The following F2R variants were observed in gnomAD, a reference collection of about 807,000 sequenced individuals.
F2R encodes proteinase-activated receptor 1.
F2R carries 12 observed loss-of-function variants against 18.3 expected under a neutral mutation model. The ratio of observed to expected loss-of-function variants is 0.66; its 90% CI spans 0.42 to 1.06. The LOEUF is 1.06. Ranked by LOEUF, F2R falls within the 50% of genes least tolerant of loss-of-function variation. F2R has a pLI of 0.00. For synonymous variants in F2R, 210 were observed against 219.9 expected (o/e 0.95, Z 0.40); for missense variants, 438 against 530.8 (o/e 0.83, Z 1.72).
In F2R at chr5:76,716,192, G is replaced by C. The variant is rs904348446; in HGVS notation, c.-116G>C. The C allele has an allele frequency of 1.3e-4, 100 of 783,810 alleles. No individual in the cohort carries two copies. In the East Asian group the frequency reaches 3.3e-3, roughly 26 times the overall value. The allele number at this position is 783,810 out of a possible 1,614,324, so 48.6% of individuals were successfully genotyped here. ...CTGATCTTACCCGTGGGCACCCTGCGCTCTGCCTGCCGCGAAGACCGGCTC... is the reference window on the plus strand; with the variant it reads ...CTGATCTTACCCGTGGGCACCCTGCCCTCTGCCTGCCGCGAAGACCGGCTC... On this transcript the variant is annotated 5_prime_UTR_variant, in exon 1 of 2. Coordinates refer to ENST00000319211, the MANE Select transcript of F2R (RefSeq NM_001992.5).
At chr5:76,732,249 G>A in intron 1 of F2R, 65 bp from the exon 2 acceptor site, 3 of 1,267,988 alleles carry the variant, frequency 2.4e-6, no homozygotes, top group Non-Finnish European at 3.2e-6. Context: ...CTCTCTGCTT[G>A]TCGCTTTTGC....
chr5:76,722,810 G>T (rs759107678), intron 1 of F2R, among the ~76,000 whole-genome samples: 1 of 152,068 alleles, frequency 6.6e-6, no homozygotes, highest in African/African-American at 2.4e-5. Context: ...AATTAGCCGG[G>T]CATGGTGGTG....
chr5:76,733,334 T>G lies in F2R; in HGVS notation c.1109T>G (p.Ile370Ser). Reference protein sequence around the residue: ...SSISCCIDPLIYYYASSECQR... With the variant: ...SSISCCIDPLSYYYASSECQR... ...ATAAGCTGCTGCATCGACCCCCTAA[T>G]TTACTATTACGCTTCCTCTGAGTGC... Residue 370 changes from isoleucine (I) to serine (S), a missense_variant, in exon 2 of 2, where the codon ATT becomes AGT. Physicochemically the swap from Ile to Ser is moderately radical, Grantham distance 142. Transcript: ENST00000319211. 6.2e-7 allele frequency: 1 copy of G among 1,614,208 alleles called. No homozygotes were observed. Among genetic ancestry groups the G allele is most frequent in the South Asian group, 1.1e-5 (1 of 91,084 alleles).
In F2R at chr5:76,734,713, G is replaced by A. The variant is rs1233957835; in HGVS notation, c.*1210G>A. On this transcript the variant is annotated 3_prime_UTR_variant, in exon 2 of 2. Transcript: ENST00000319211. ...AAGTAGATCATGCATAGAGTGTGATGTATGTGTAATAAATATGTTTCACAC... is the reference window on the plus strand; with the variant it reads ...AAGTAGATCATGCATAGAGTGTGATATATGTGTAATAAATATGTTTCACAC... 2 of 152,376 alleles carry A rather than the reference G, an allele frequency of 1.3e-5. No homozygotes were observed. The highest frequency in any genetic ancestry group is 2.9e-5 in the Non-Finnish European group (2 of 68,038). 9.4% of individuals were successfully genotyped at this position (152,376 alleles called of 1,614,324 possible). A position where few individuals can be genotyped will look rare whatever the true frequency, so the allele number is the denominator to read the frequency against.
intron 1 of F2R, chr5:76,716,603 C>A: frequency 2.8e-6 from 2 of 712,126 alleles, no homozygotes; most frequent in Non-Finnish European, 5.0e-6. Flanking sequence ...CCTTTGGACT[C>A]GATCTTGGAG....
intron 1 of F2R, among the ~76,000 whole-genome samples, chr5:76,728,988 G>A (rs931742751): frequency 1.3e-5 from 2 of 152,214 alleles, no homozygotes; most frequent in African/African-American, 4.8e-5. Context: ...ACCGTGCCCA[G>A]CCAGCATCCT....
rs188917689 is a variant in F2R at position 76,721,120 on chromosome 5, C to T, written c.88+4725C>T. 3.0e-3 allele frequency among the ~76,000 whole-genome samples: 461 copies of T among 152,278 alleles called. 6 individuals are homozygous for T. Among genetic ancestry groups the T allele is most frequent in the Middle Eastern group, 0.024 (7 of 294 alleles). ...CCATGCCCAGTCTTTAACTAGTTTTCGTGAGCACCTAGGCTCCCCTTCCAT... is the reference window on the plus strand; with the variant it reads ...CCATGCCCAGTCTTTAACTAGTTTTTGTGAGCACCTAGGCTCCCCTTCCAT... On this transcript the variant is annotated intron_variant, in intron 1 of 1. Transcript: ENST00000319211.
chr5:76,717,202 T>G (rs1295396028), intron 1 of F2R, among the ~76,000 whole-genome samples: 3 of 152,226 alleles, frequency 2.0e-5, no homozygotes, highest in Admixed American at 6.5e-5. Flanking sequence ...TTTTTAAGTA[T>G]CTGGCCACTT....
At chr5:76,726,725 C>A (rs535918475) in intron 1 of F2R, among the ~76,000 whole-genome samples, 2 of 152,114 alleles carry the variant, frequency 1.3e-5, no homozygotes, top group Admixed American at 1.3e-4. Flanking sequence ...TCCTCTAGAT[C>A]AGCATTTTTG....
chr5:76,725,512 A>G (rs1385586788), intron 1 of F2R, among the ~76,000 whole-genome samples: 1 of 152,146 alleles, frequency 6.6e-6, no homozygotes, highest in Non-Finnish European at 1.5e-5. Flanking sequence ...GGACTGGAGG[A>G]AAAGCGAGAT....
chr5:76,732,558 A>C lies in F2R; in HGVS notation c.333A>C (p.Gly111=). The change falls in exon 2 of 2, where the codon GGA becomes GGC. Residue 111 remains glycine, a synonymous_variant. Coordinates refer to ENST00000319211, the MANE Select transcript of F2R (RefSeq NM_001992.5). ...LTLFVPSVYT[G]VFVVSLPLNI... is the part of the protein sequence containing the mutation. Reference sequence around the variant, plus strand: ...TCTTTGTCCCATCTGTGTACACCGGAGTGTTTGTAGTCAGCCTCCCACTAA... The same window carrying C: ...TCTTTGTCCCATCTGTGTACACCGGCGTGTTTGTAGTCAGCCTCCCACTAA... 1.2e-6 allele frequency: 2 copies of C among 1,614,130 alleles called. No homozygotes were observed. The highest frequency in any genetic ancestry group is 1.7e-6 in the Non-Finnish European group (2 of 1,180,032).
At chr5:76,721,460 G>A (rs558389725) in intron 1 of F2R, among the ~76,000 whole-genome samples, 1 of 152,146 alleles carries the variant, frequency 6.6e-6, no homozygotes, top group Non-Finnish European at 1.5e-5. Flanking sequence ...GGCCCTGACG[G>A]TCCTATATAC....
At chr5:76,732,171 A>G in intron 1 of F2R, 143 bp from the exon 2 acceptor site, 2 of 632,156 alleles carry the variant, frequency 3.2e-6, no homozygotes, top group Non-Finnish European at 2.7e-6. Context: ...AATAAAGTCT[A>G]TTTGTGCATT....
chr5:76,720,259 G>T (rs1748422637), intron 1 of F2R, among the ~76,000 whole-genome samples: 1 of 151,946 alleles, frequency 6.6e-6, no homozygotes, highest in Non-Finnish European at 1.5e-5. Context: ...AACATAGTAA[G>T]ACCCCATCTC....
At position 76,732,305 on chromosome 5, in the gene F2R, A is replaced by G. The variant is rs774930975; in HGVS notation, c.89-9A>G. The G allele has an allele frequency of 3.2e-6, 5 of 1,563,136 alleles. No homozygotes were observed. In the Admixed American group the frequency reaches 6.3e-5, roughly 20 times the overall value. Reference sequence around the variant, plus strand: ...TTACATTTAAAATTTTTTTAATTTTATTTTTCAGAATCAAAAGCAACAAAT... The same window carrying G: ...TTACATTTAAAATTTTTTTAATTTTGTTTTTCAGAATCAAAAGCAACAAAT... On this transcript the variant is annotated splice_polypyrimidine_tract_variant and intron_variant, in intron 1 of 1. Transcript: ENST00000319211.
Position 76,733,807 on chromosome 5 carries a change from G to T in F2R, c.*304G>T. 1 of 329,954 alleles carries T rather than the reference G, an allele frequency of 3.0e-6. No individual in the cohort carries two copies. The highest frequency in any genetic ancestry group is 5.6e-6 in the Non-Finnish European group (1 of 177,404). 20.4% of individuals were successfully genotyped at this position (329,954 alleles called of 1,614,324 possible). On this transcript the variant is annotated 3_prime_UTR_variant, in exon 2 of 2. Coordinates refer to ENST00000319211, the MANE Select transcript of F2R (RefSeq NM_001992.5). The stretch of plus-strand genomic sequence containing the variant: ...TACATGTGTGTATATGTAGATGTAT[G>T]CACACACATATATTATTTGCAGTGC...
chr5:76,718,815 GA>G (rs1282721279), intron 1 of F2R, among the ~76,000 whole-genome samples: 1 of 152,208 alleles, frequency 6.6e-6, no homozygotes, highest in African/African-American at 2.4e-5. Context: ...TGGGGCTCTA[GA>G]GGGTTAAAGT....
intron 1 of F2R, among the ~76,000 whole-genome samples, chr5:76,727,762 TC>T (rs377066406): frequency 6.6e-6 from 1 of 151,582 alleles, no homozygotes; most frequent in South Asian, 2.1e-4. Flanking sequence ...AAAATATTTT[TC>T]TTTTTTTTTT....
intron 1 of F2R, among the ~76,000 whole-genome samples, chr5:76,725,983 C>T (rs1748545605): frequency 6.6e-6 from 1 of 152,204 alleles, no homozygotes; most frequent in Admixed American, 6.5e-5. Flanking sequence ...CAGGTGTCAT[C>T]TTGATTCATG....
Sources: gnomAD v4.1 joint callset for allele counts (sites outside exome capture counted in the v4.1 genomes callset) on GRCh38, gnomAD v4.1.1 for gene constraint, MANE v1.5 for transcripts, NCBI Gene and HGNC (gene_info 2026-07-23, HGNC 2026-07-21) for gene names.